Variants in TMPRSS6 observed in about 807,000 individuals in gnomAD.
The protein encoded by TMPRSS6 is transmembrane protease serine 6.
A neutral mutation model predicts 101.5 loss-of-function variants in TMPRSS6; 67 were observed. That is an observed-to-expected ratio of 0.66 (90% CI 0.54 to 0.81). The LOEUF (loss-of-function observed/expected upper bound fraction) is 0.81, where lower values mean the gene tolerates loss of function less well. Among genes scored for constraint, TMPRSS6 ranks in the 30% least tolerant of loss-of-function variants. The pLI, the probability that TMPRSS6 is intolerant of heterozygous loss-of-function variation, is 0.00. For synonymous variants in TMPRSS6, 453 were observed against 464.9 expected (o/e 0.97, Z 0.33); for missense variants, 1,034 against 1,088.7 (o/e 0.95, Z 0.71).
In TMPRSS6 at chr22:37,065,935, G is replaced by T. The variant is rs555357240; in HGVS notation, c.*145C>A. 2 of 1,049,378 alleles carry T rather than the reference G, an allele frequency of 1.9e-6. No individual in the cohort carries two copies. Among genetic ancestry groups the T allele is most frequent in the East Asian group, 2.5e-5 (1 of 39,514 alleles). 65.0% of individuals were successfully genotyped at this position (1,049,378 alleles called of 1,614,324 possible). A position where few individuals can be genotyped will look rare whatever the true frequency, so the allele number is the denominator to read the frequency against. ...CCTGCCATCACTGGAGCAGACATCA[G>T]GGACGAGACAAGATGCCACCTCCTG... On this transcript the variant is annotated 3_prime_UTR_variant, in exon 18 of 18. Transcript: ENST00000676104.
chr22:37,092,006 A>G (rs1929307947), intron 6 of TMPRSS6, among the ~76,000 whole-genome samples: 1 of 152,224 alleles, frequency 6.6e-6, no homozygotes, highest in Admixed American at 6.5e-5. Context: ...CAGCTGGGGA[A>G]AGATGGCTGG....
chr22:37,068,805 C>A, intron 16 of TMPRSS6: 1 of 709,620 alleles, frequency 1.4e-6, no homozygotes, highest in Non-Finnish European at 2.5e-6. Flanking sequence ...TGCACGTGGG[C>A]AGTGGCGTCC....
chr22:37,088,706 C>G (rs1569014777), intron 7 of TMPRSS6, among the ~76,000 whole-genome samples: 1 of 152,202 alleles, frequency 6.6e-6, no homozygotes, highest in Non-Finnish European at 1.5e-5. Context: ...TCAATAGCTC[C>G]CCACTTACCA....
chr22:37,075,907 A>G (rs1569002969), intron 10 of TMPRSS6, among the ~76,000 whole-genome samples: 1 of 151,826 alleles, frequency 6.6e-6, no homozygotes, highest in African/African-American at 2.4e-5. Context: ...CGTCAAAAAA[A>G]GAAAGAAAGA....
chr22:37,076,790 G>A (rs964881269), intron 10 of TMPRSS6, among the ~76,000 whole-genome samples: 1 of 152,146 alleles, frequency 6.6e-6, no homozygotes, highest in African/African-American at 2.4e-5. Context: ...AGAGTGCTTT[G>A]CAGATGGGGG....
At chr22:37,099,680 G>C (rs2146174086) in intron 2 of TMPRSS6, among the ~76,000 whole-genome samples, 1 of 152,334 alleles carries the variant, frequency 6.6e-6, no homozygotes, top group East Asian at 1.9e-4. Flanking sequence ...TGTATAACAG[G>C]TTAGAGGTGG....
chr22:37,071,144 A>G (rs1926862615), intron 13 of TMPRSS6, 112 bp from the exon 14 acceptor site: 7 of 959,160 alleles, frequency 7.3e-6, no homozygotes, highest in South Asian at 5.5e-5. Context: ...GGAGGTGACT[A>G]GAGAGTCTTT....
intron 13 of TMPRSS6, among the ~76,000 whole-genome samples, chr22:37,071,413 G>C (rs1926891735): frequency 6.6e-6 from 1 of 152,162 alleles, no homozygotes; most frequent in Non-Finnish European, 1.5e-5. Context: ...TTTCCTCCCT[G>C]CTCTTCACTG....
chr22:37,087,958 T>A (rs1020529661), intron 7 of TMPRSS6, among the ~76,000 whole-genome samples: 1 of 152,138 alleles, frequency 6.6e-6, no homozygotes, highest in African/African-American at 2.4e-5. Flanking sequence ...CCCCATTCCC[T>A]AGCAGGTGTC....
At chr22:37,100,061 G>A (rs1056870289) in intron 2 of TMPRSS6, among the ~76,000 whole-genome samples, 1 of 152,142 alleles carries the variant, frequency 6.6e-6, no homozygotes, top group African/African-American at 2.4e-5. Context: ...TCTGCCTCCC[G>A]GGTTCAAGCG....
chr22:37,092,207 G>A (rs934805137), intron 6 of TMPRSS6, among the ~76,000 whole-genome samples: 2 of 151,674 alleles, frequency 1.3e-5, no homozygotes, highest in African/African-American at 2.4e-5. Flanking sequence ...AACTGAACAC[G>A]CCTTGGGTGT....
chr22:37,076,795 T>C (rs547724415), intron 10 of TMPRSS6, among the ~76,000 whole-genome samples: 1 of 152,252 alleles, frequency 6.6e-6, no homozygotes, highest in African/African-American at 2.4e-5. Context: ...GCTTTGCAGA[T>C]GGGGGAAACA....
intron 1 of TMPRSS6, among the ~76,000 whole-genome samples, chr22:37,106,584 A>T (rs1033184251): frequency 6.6e-6 from 1 of 151,730 alleles, no homozygotes; most frequent in Non-Finnish European, 1.5e-5. Context: ...ATAACTTCCC[A>T]CCCAAACCCC....
intron 1 of TMPRSS6, among the ~76,000 whole-genome samples, chr22:37,105,932 G>A (rs73421637): frequency 0.014 from 2,127 of 152,204 alleles, 54 homozygotes; most frequent in African/African-American, 0.048. Flanking sequence ...TTACAGATGT[G>A]AGCCACCATA....
At chr22:37,108,658 T>C (rs138718601) in intron 1 of TMPRSS6, among the ~76,000 whole-genome samples, 265 of 152,328 alleles carry the variant, frequency 1.7e-3, no homozygotes, top group Non-Finnish European at 3.2e-3. Flanking sequence ...GTGCCAGCCC[T>C]GTGCTGGGCA....
At position 37,069,137 on chromosome 22, in the gene TMPRSS6, G is replaced by A. The variant is rs377668635; in HGVS notation, c.2049C>T (p.Arg683=). 4.7e-5 allele frequency: 74 copies of A among 1,569,610 alleles called. No homozygotes were observed. The African/African-American group carries it at 9.9e-4, about 21-fold the overall frequency. Residue 683 remains arginine (R), a synonymous_variant, in exon 16 of 18, where the codon CGC becomes CGT. Transcript: ENST00000676104. The surrounding 1 kb of genome is among the most constrained non-coding windows in gnomAD (Gnocchi z 4.8). The part of the protein sequence containing the change: ...AAVRPVCLPA[R]SHFFEPGLHC... The stretch of plus-strand genomic sequence containing the variant: ...GCAGGCCGGGCTCGAAGAAGTGGGA[G>A]CGCGCGGGCAGGCAGACGGGGCGCA...
At chr22:37,093,563 C>A (rs1054308148) in intron 6 of TMPRSS6, among the ~76,000 whole-genome samples, 9 of 149,948 alleles carry the variant, frequency 6.0e-5, no homozygotes, top group Non-Finnish European at 1.2e-4. Context: ...CCACCATGCC[C>A]GGCTAATTTT....
At chr22:37,088,960 TCCCCACACCCCCG>T (rs984644549) in intron 7 of TMPRSS6, among the ~76,000 whole-genome samples, 1 of 152,032 alleles carries the variant, frequency 6.6e-6, no homozygotes, top group African/African-American at 2.4e-5. Flanking sequence ...CCCCGTCACA[TCCCCACACCCCCG>T]CCCCACACAC....
chr22:37,086,800 G>T (rs1208751375), intron 7 of TMPRSS6, among the ~76,000 whole-genome samples: 1 of 152,138 alleles, frequency 6.6e-6, no homozygotes, highest in Non-Finnish European at 1.5e-5. Context: ...ACTGGCATCT[G>T]CAGGGACCAC....
Sources: allele counts gnomAD v4.1 joint callset (sites outside exome capture counted in the v4.1 genomes callset), GRCh38; gene constraint gnomAD v4.1.1; non-coding constraint Gnocchi (gnomAD v3.1); transcripts MANE v1.5; gene names NCBI Gene and HGNC (gene_info 2026-07-23, HGNC 2026-07-21).